TRPM8: variants seen among roughly 807,000 people sequenced by gnomAD.
TRPM8 encodes TRPM8 cationic channel.
In TRPM8, 110 loss-of-function variants were observed where a neutral mutation model predicts 133.7. The ratio of observed to expected loss-of-function variants is 0.82; its 90% CI spans 0.70 to 0.96. The LOEUF (loss-of-function observed/expected upper bound fraction) is 0.96, where lower values mean the gene tolerates loss of function less well. TRPM8 is among the 40% of genes least tolerant of loss of function. TRPM8 has a pLI of 0.00. For synonymous variants in TRPM8, 535 were observed against 532.3 expected (o/e 1.01, Z -0.07); for missense variants, 1,291 against 1,379.5 (o/e 0.94, Z 1.02).
At chr2:233,959,210 G>A (rs760206877) in intron 11 of TRPM8, among the ~76,000 whole-genome samples, 1 of 152,038 alleles carries the variant, frequency 6.6e-6, no homozygotes, top group Non-Finnish European at 1.5e-5. Flanking sequence ...GTTATTAGTA[G>A]AGACGAGGTT....
chr2:233,927,350 G>A (rs1171480243), intron 2 of TRPM8, among the ~76,000 whole-genome samples: 2 of 152,158 alleles, frequency 1.3e-5, no homozygotes, highest in Non-Finnish European at 2.9e-5. Context: ...GTAAGAACAC[G>A]CACACACAAA....
At chr2:233,920,425 T>A (rs2125022264) in intron 1 of TRPM8, among the ~76,000 whole-genome samples, 1 of 152,326 alleles carries the variant, frequency 6.6e-6, no homozygotes, top group African/African-American at 2.4e-5. Flanking sequence ...AAGCAAAGAT[T>A]GACATAGTTA....
At chr2:233,949,214 A>G (rs1178865384) in intron 8 of TRPM8, among the ~76,000 whole-genome samples, 1 of 152,168 alleles carries the variant, frequency 6.6e-6, no homozygotes, top group East Asian at 1.9e-4. Flanking sequence ...ATGGCACCAC[A>G]CATCTGGCTT....
intron 22 of TRPM8, among the ~76,000 whole-genome samples, chr2:233,997,304 G>A (rs899061188): frequency 6.6e-6 from 1 of 152,152 alleles, no homozygotes; most frequent in Non-Finnish European, 1.5e-5. Context: ...ATAGGAACGT[G>A]CAGTTCAATA....
chr2:234,012,974 G>A (rs1036044526), intron 24 of TRPM8, among the ~76,000 whole-genome samples: 6 of 152,062 alleles, frequency 3.9e-5, no homozygotes, highest in African/African-American at 1.4e-4. Flanking sequence ...AAATACCCCT[G>A]GGTGGTGGTG....
chr2:233,978,511 G>A (rs565514904), intron 17 of TRPM8, among the ~76,000 whole-genome samples: 3 of 151,958 alleles, frequency 2.0e-5, no homozygotes, highest in Admixed American at 1.3e-4. Context: ...TTTTTTCTTC[G>A]TTCCTGGTTT....
At chr2:233,949,207 G>C (rs1008951099) in intron 8 of TRPM8, among the ~76,000 whole-genome samples, 20 of 152,138 alleles carry the variant, frequency 1.3e-4, no homozygotes, top group African/African-American at 4.6e-4. Context: ...TTCAATCATG[G>C]CACCACACAT....
chr2:233,933,137 C>T (rs200817044), intron 3 of TRPM8, among the ~76,000 whole-genome samples: 2 of 151,994 alleles, frequency 1.3e-5, no homozygotes, highest in African/African-American at 2.4e-5. Flanking sequence ...TGGTTTTGCT[C>T]TAGTCACTTC....
At chr2:234,001,853 G>T (rs1559549170) in intron 22 of TRPM8, among the ~76,000 whole-genome samples, 1 of 152,164 alleles carries the variant, frequency 6.6e-6, no homozygotes, top group Non-Finnish European at 1.5e-5. Context: ...GCGATGCAGT[G>T]AGTGAGGGGG....
intron 17 of TRPM8, among the ~76,000 whole-genome samples, chr2:233,972,426 G>C (rs1052777394): frequency 6.6e-6 from 1 of 152,242 alleles, no homozygotes; most frequent in East Asian, 1.9e-4. Context: ...CCCGCACCGC[G>C]GCTGCAGGTG....
intron 7 of TRPM8, chr2:233,946,477 C>G (rs1160172270): frequency 5.9e-6 from 1 of 168,908 alleles, no homozygotes; most frequent in African/African-American, 2.4e-5. Context: ...AAACAGTGGT[C>G]TCAAGAGAAG....
intron 3 of TRPM8, 139 bp from the exon 4 acceptor site, chr2:233,937,214 C>T: frequency 8.9e-7 from 1 of 1,124,676 alleles, no homozygotes; most frequent in Non-Finnish European, 1.3e-6. Flanking sequence ...CTAGTTTCTA[C>T]ACAACCAAGA....
chr2:233,921,556 C>A (rs1303233132), intron 1 of TRPM8, among the ~76,000 whole-genome samples: 1 of 152,138 alleles, frequency 6.6e-6, no homozygotes, highest in African/African-American at 2.4e-5. Context: ...GTGATCACTG[C>A]ACCTGGGATG....
At chr2:233,979,105 A>T (rs965314584) in intron 17 of TRPM8, among the ~76,000 whole-genome samples, 2 of 152,164 alleles carry the variant, frequency 1.3e-5, no homozygotes, top group Admixed American at 1.3e-4. Flanking sequence ...AGGAAATATA[A>T]TATCTAAATA....
intron 21 of TRPM8, 115 bp from the exon 22 acceptor site, chr2:233,996,211 C>T: frequency 1.1e-6 from 1 of 899,630 alleles, no homozygotes; most frequent in Non-Finnish European, 1.7e-6. Flanking sequence ...TTCTTCTCTC[C>T]TGTCTGTACT....
chr2:233,927,770 CTTTCTTTCTTTCTTTCTTTCTT>C (rs1559516070), intron 2 of TRPM8, among the ~76,000 whole-genome samples: 15 of 65,496 alleles, frequency 2.3e-4, no homozygotes, highest in African/African-American at 1.1e-3. Flanking sequence ...TTCTTTCTTT[CTTTCTTTCTTTCTTTCTTTCTT>C]TTCTTTCCTT....
chr2:233,975,308 C>A (rs1691841070), intron 17 of TRPM8, among the ~76,000 whole-genome samples: 1 of 152,166 alleles, frequency 6.6e-6, no homozygotes, highest in Admixed American at 6.5e-5. Context: ...CCTGGAGTGG[C>A]CATGGTAACA....
chr2:233,961,819 G>A (rs28901869), intron 12 of TRPM8, among the ~76,000 whole-genome samples: 8,799 of 151,592 alleles, frequency 0.058, 822 homozygotes, highest in African/African-American at 0.2. Context: ...TAGTAGACAC[G>A]GGGTTTCACC....
rs139125066 is a variant in TRPM8 at position 233,959,860 on chromosome 2, C to A, written c.1363-916C>A. On this transcript the variant is annotated intron_variant, in intron 11 of 25. Coordinates refer to ENST00000324695, the MANE Select transcript of TRPM8 (RefSeq NM_024080.5). Reference sequence around the variant, plus strand: ...GCAGTGGTGTGATCTTGGCTCACTGCAACTTCTGCCTCCTGGGTTCAAGTG... The same window carrying A: ...GCAGTGGTGTGATCTTGGCTCACTGAAACTTCTGCCTCCTGGGTTCAAGTG... 5.3e-3 allele frequency among the ~76,000 whole-genome samples: 802 copies of A among 152,044 alleles called. 10 individuals carry two copies. The highest frequency in any genetic ancestry group is 0.018 in the African/African-American group (743 of 41,478).
Sources: gnomAD v4.1 joint callset for allele counts (sites outside exome capture counted in the v4.1 genomes callset) on GRCh38, gnomAD v4.1.1 for gene constraint, MANE v1.5 for transcripts, NCBI Gene and HGNC (gene_info 2026-07-23, HGNC 2026-07-21) for gene names.